The following CCDC110 variants were observed in gnomAD, a reference collection of about 807,000 sequenced individuals.
The protein encoded by CCDC110 is coiled-coil domain-containing protein 110.
In CCDC110, 70 loss-of-function variants were observed where a neutral mutation model predicts 77.1. The observed-to-expected ratio is 0.91, with a 90% CI of 0.75 to 1.11. CCDC110 has a LOEUF of 1.11. Among genes scored for constraint, CCDC110 ranks in the 50% least tolerant of loss-of-function variants. The probability of loss-of-function intolerance (pLI) is 0.00; values close to 1 mark genes in which losing one functional copy is unlikely to be tolerated. For missense variants in CCDC110, 868 were observed against 942.9 expected (o/e 0.92, Z 1.04); for synonymous variants, 295 against 312.5 (o/e 0.94, Z 0.59).
intron 1 of CCDC110, 73 bp downstream of exon 1, chr4:185,471,601 G>A (rs754460328): frequency 6.7e-7 from 1 of 1,486,900 alleles, no homozygotes; most frequent in African/African-American, 1.5e-5. Context: ...GCGGGGAGCC[G>A]CCTGCTGAAT....
intron 3 of CCDC110, 140 bp from the exon 4 acceptor site, chr4:185,462,848 A>AAC: frequency 9.7e-7 from 1 of 1,027,706 alleles, no homozygotes; most frequent in South Asian, 1.4e-5. Flanking sequence ...ATTCTTAGGC[A>AAC]TTTTGCTAAC....
At chr4:185,449,668 T>C (rs770133816) in intron 6 of CCDC110, 51 of 1,490,146 alleles carry the variant, frequency 3.4e-5, no homozygotes, top group Non-Finnish European at 4.5e-5. Flanking sequence ...AGTAGCTTTC[T>C]AGATCTTAAC....
chr4:185,471,517 G>T, intron 1 of CCDC110, 157 bp downstream of exon 1: 1 of 752,536 alleles, frequency 1.3e-6, no homozygotes, highest in Non-Finnish European at 2.1e-6. Context: ...CGCAGCGGGT[G>T]CTCAGCCCTA....
At chr4:185,457,081 AT>A (rs2095636955) in intron 6 of CCDC110, 1 of 342,752 alleles carries the variant, frequency 2.9e-6, no homozygotes, top group African/African-American at 2.2e-5. Flanking sequence ...AGTGGAGTTT[AT>A]CCCAGGAATT....
At chr4:185,447,631 A>G (rs1291262365) in intron 6 of CCDC110, among the ~76,000 whole-genome samples, 2 of 151,710 alleles carry the variant, frequency 1.3e-5, no homozygotes, top group Non-Finnish European at 2.9e-5. Flanking sequence ...CTCCAATACT[A>G]TGACATCTGT....
chr4:185,460,612 G>T (rs2095644297), intron 5 of CCDC110, among the ~76,000 whole-genome samples: 1 of 152,208 alleles, frequency 6.6e-6, no homozygotes, highest in Non-Finnish European at 1.5e-5. Context: ...TGGGCTATTT[G>T]TTAACCTTAG....
At chr4:185,452,911 A>G (rs887042606) in intron 6 of CCDC110, among the ~76,000 whole-genome samples, 1 of 148,930 alleles carries the variant, frequency 6.7e-6, no homozygotes, top group Non-Finnish European at 1.5e-5. Context: ...AAAAAAAAAA[A>G]GCCAGGTTCA....
At chr4:185,463,193 A>G (rs1164664416) in intron 2 of CCDC110, 144 bp from the exon 3 acceptor site, 6 of 625,280 alleles carry the variant, frequency 9.6e-6, no homozygotes, top group African/African-American at 3.7e-5. Flanking sequence ...TGCTAGTCAC[A>G]TAAGCTTAAG....
Position 185,463,033 on chromosome 4 carries a change from T to C in CCDC110, c.132A>G (p.Ala44=). The change falls in exon 3 of 7, where the codon GCA becomes GCG. Residue 44 remains alanine, a synonymous_variant. Coordinates refer to ENST00000307588, the MANE Select transcript of CCDC110 (RefSeq NM_152775.4). The part of the protein sequence containing the change: ...GCSDTEYGCI[A]ESENQIQPQS... ...GTGGTTGGATTTGATTTTCTGATTC[T>C]GCTATGCAGCCATATTCTAAGAAGC... 1 of 1,613,660 alleles carries C rather than the reference T, an allele frequency of 6.2e-7. No individual in the cohort carries two copies. Among genetic ancestry groups the C allele is most frequent in the African/African-American group, 1.3e-5 (1 of 75,050 alleles).
intron 2 of CCDC110, among the ~76,000 whole-genome samples, chr4:185,467,262 G>C (rs980816942): frequency 2.0e-5 from 3 of 152,226 alleles, no homozygotes; most frequent in African/African-American, 7.2e-5. Context: ...AGTAGGCAGG[G>C]AGTCGGATTC....
Position 185,445,462 on chromosome 4 carries a change from C to T in CCDC110, c.*40G>A. The stretch of plus-strand genomic sequence containing the variant: ...CAGTTAGCAGTACAATTAACATTGG[C>T]TATTTCTCGAAGGGAGTTTCTTAGC... On this transcript the variant is annotated 3_prime_UTR_variant, in exon 7 of 7. Transcript: ENST00000307588. The T allele has an allele frequency of 1.4e-6, 2 of 1,406,480 alleles. No individual in the cohort carries two copies. The highest frequency in any genetic ancestry group is 1.0e-6 in the Non-Finnish European group (1 of 1,002,898). 87.1% of individuals were successfully genotyped at this position (1,406,480 alleles called of 1,614,324 possible).
intron 6 of CCDC110, among the ~76,000 whole-genome samples, chr4:185,448,801 AG>A (rs1410287382): frequency 6.6e-6 from 1 of 152,176 alleles, no homozygotes; most frequent in Non-Finnish European, 1.5e-5. Flanking sequence ...GCAGTATTTC[AG>A]GTTTTCTATG....
At chr4:185,457,012 C>T (rs528550451) in intron 6 of CCDC110, 158 of 247,500 alleles carry the variant, frequency 6.4e-4, no homozygotes, top group African/African-American at 3.5e-3. Flanking sequence ...AAATCCTTAA[C>T]AAAATATTAC....
chr4:185,465,720 G>A (rs749903458), intron 2 of CCDC110, among the ~76,000 whole-genome samples: 3 of 152,194 alleles, frequency 2.0e-5, no homozygotes, highest in African/African-American at 4.8e-5. Context: ...GCAATTGCAG[G>A]GCTACCGCAA....
intron 2 of CCDC110, among the ~76,000 whole-genome samples, chr4:185,465,460 G>A (rs2095653797): frequency 6.6e-6 from 1 of 151,746 alleles, no homozygotes; most frequent in Non-Finnish European, 1.5e-5. Flanking sequence ...TTCCTTTTTT[G>A]GCCTCACCGT....
At position 185,445,504 on chromosome 4, in the gene CCDC110, A is replaced by G; in HGVS notation, c.2500T>C (p.Ter834GlnextTer22). 6.3e-7 allele frequency: 1 copy of G among 1,576,286 alleles called. No individual in the cohort carries two copies. Among genetic ancestry groups the G allele is most frequent in the Non-Finnish European group, 8.7e-7 (1 of 1,151,392 alleles). ...TTTCTTAGCAATCTTGAGGAATCCT[A>G]ATGATGCTTGAGAGTTCTGTCTTTA... ...KVKDRTLKHH[*>Q] The change falls in exon 7 of 7, where the codon TAG (stop) becomes CAG (glutamine). Residue 834 changes from the stop codon to glutamine, a stop_lost. Transcript: ENST00000307588.
Position 185,445,298 on chromosome 4 carries a change from GAA to G in CCDC110, c.*202_*203del, listed in dbSNP as rs1400362488. On this transcript the variant is annotated 3_prime_UTR_variant, in exon 7 of 7. Transcript: ENST00000307588. ...GTACAGGTACCTGCCCTCCCTTGTA[GAA>G]GTTCTCCCCCATCTTCTGAAATTCC... The G allele has an allele frequency of 9.8e-6, 7 of 714,564 alleles. No individual in the cohort carries two copies. The highest frequency in any genetic ancestry group is 2.1e-5 in the South Asian group (1 of 46,858). The allele number at this position is 714,564 out of a possible 1,614,324, so 44.3% of individuals were successfully genotyped here.
In CCDC110 at chr4:185,458,503, G is replaced by C. The variant is rs1449363881; in HGVS notation, c.2084C>G (p.Ser695Ter). 4 of 1,604,438 alleles carry C rather than the reference G, an allele frequency of 2.5e-6. No homozygotes were observed. Among genetic ancestry groups the C allele is most frequent in the Non-Finnish European group, 8.5e-7 (1 of 1,177,514 alleles). Residue 695 changes from serine to a stop codon, truncating the protein, a stop_gained, in exon 6 of 7, where the codon TCA becomes TGA. Transcript: ENST00000307588. LOFTEE classifies it high-confidence loss of function. The stretch of plus-strand genomic sequence containing the variant: ...CATTTCACATTCCTTGCCAATTTCT[G>C]ACAAGCTATTCTTATAAATACTTGC... ...SEASIYKNSLSEIGKECEMLS... is the reference protein window; with the variant it reads ...SEASIYKNSL
At chr4:185,448,268 G>A (rs898396832) in intron 6 of CCDC110, among the ~76,000 whole-genome samples, 3 of 152,136 alleles carry the variant, frequency 2.0e-5, no homozygotes, top group African/African-American at 2.4e-5. Flanking sequence ...TGATCCGCCC[G>A]CCTCAGCCTC....
Sources: allele counts gnomAD v4.1 joint callset (sites outside exome capture counted in the v4.1 genomes callset), GRCh38; gene constraint gnomAD v4.1.1; transcripts MANE v1.5; gene names NCBI Gene and HGNC (gene_info 2026-07-23, HGNC 2026-07-21).